The following FOXP2 variants were observed in gnomAD, a reference collection of about 807,000 sequenced individuals.
The protein encoded by FOXP2 is forkhead box protein P2.
Under a neutral mutation model 115.8 loss-of-function variants are expected in FOXP2, and 12 were observed. That is an observed-to-expected ratio of 0.10 (90% confidence interval 0.07 to 0.17). The LOEUF is 0.17. Among genes scored for constraint, FOXP2 ranks in the 10% least tolerant of loss-of-function variants. The pLI is 1.00. For synonymous variants in FOXP2, 328 were observed against 297.7 expected (o/e 1.10, Z -1.05); for missense variants, 629 against 843.5 (o/e 0.75, Z 3.15).
upstream of FOXP2, among the ~76,000 whole-genome samples, chr7:114,158,823 G>A (rs948862411): frequency 6.6e-5 from 10 of 152,144 alleles, no homozygotes; most frequent in Middle Eastern, 3.4e-3. Context: ...GGAGTTTTCC[G>A]CAGATGTTCA....
intron 2 of FOXP2, among the ~76,000 whole-genome samples, chr7:114,457,058 T>C (rs748011822): frequency 7.2e-5 from 11 of 152,118 alleles, no homozygotes; most frequent in Non-Finnish European, 1.5e-4. Flanking sequence ...GTTGCAGATA[T>C]ATAGGATGAA....
At chr7:114,528,867 A>T (rs1799004327) in intron 2 of FOXP2, among the ~76,000 whole-genome samples, 1 of 152,000 alleles carries the variant, frequency 6.6e-6, no homozygotes, top group Non-Finnish European at 1.5e-5. Flanking sequence ...CAGAAAGATA[A>T]ATAATCAAAA....
chr7:114,306,550 AG>A (rs1255077410), intron 2 of FOXP2, among the ~76,000 whole-genome samples: 1 of 152,190 alleles, frequency 6.6e-6, no homozygotes, highest in Non-Finnish European at 1.5e-5. Context: ...CAAAAGGTAT[AG>A]GAGGGCCAGA....
chr7:114,240,403 T>A (rs1331169936), intron 1 of FOXP2, among the ~76,000 whole-genome samples: 2 of 152,114 alleles, frequency 1.3e-5, no homozygotes, highest in Non-Finnish European at 2.9e-5. Context: ...TTTAGATCAA[T>A]ATAGAACAAT....
intron 6 of FOXP2, among the ~76,000 whole-genome samples, chr7:114,636,321 A>G (rs2129330343): frequency 6.6e-6 from 1 of 152,208 alleles, no homozygotes; most frequent in Non-Finnish European, 1.5e-5. Context: ...TTTAAGTTTC[A>G]CATCTTAAAA....
chr7:114,269,137 G>GTGCCC (rs750655530), intron 1 of FOXP2, among the ~76,000 whole-genome samples: 6 of 152,142 alleles, frequency 3.9e-5, no homozygotes, highest in Non-Finnish European at 8.8e-5. Flanking sequence ...ACAGAGAGGT[G>GTGCCC]TTGGACAAAC....
chr7:114,457,425 A>G (rs1044181547), intron 2 of FOXP2, among the ~76,000 whole-genome samples: 1 of 152,016 alleles, frequency 6.6e-6, no homozygotes, highest in Non-Finnish European at 1.5e-5. Context: ...CCTTTTATGA[A>G]TATCATGTTT....
chr7:114,515,663 T>G (rs1401747094), intron 2 of FOXP2, among the ~76,000 whole-genome samples: 1 of 152,004 alleles, frequency 6.6e-6, no homozygotes, highest in Non-Finnish European at 1.5e-5. Flanking sequence ...TCCCATTTTG[T>G]GGGTTGCCTG....
intron 3 of FOXP2, among the ~76,000 whole-genome samples, chr7:114,623,648 A>G (rs1584961944): frequency 6.6e-6 from 1 of 151,938 alleles, no homozygotes; most frequent in Admixed American, 6.6e-5. Context: ...AGAAAAGAAT[A>G]TAATCTCTTG....
intron 6 of FOXP2, among the ~76,000 whole-genome samples, chr7:114,634,837 A>G (rs1277746105): frequency 6.6e-6 from 1 of 152,136 alleles, no homozygotes; most frequent in Non-Finnish European, 1.5e-5. Flanking sequence ...AAACATTGAT[A>G]TGTTTGTGAC....
At chr7:114,520,432 T>C (rs2129268833) in intron 2 of FOXP2, among the ~76,000 whole-genome samples, 1 of 152,224 alleles carries the variant, frequency 6.6e-6, no homozygotes, top group Middle Eastern at 3.4e-3. Context: ...AGCAACACTA[T>C]CAGGTAATTT....
upstream of FOXP2, chr7:114,086,596 G>C (rs1353721299): frequency 7.4e-6 from 3 of 407,242 alleles, no homozygotes; most frequent in Admixed American, 2.8e-5. Context: ...CGCTGCCCAC[G>C]GCGTCCCCGG....
chr7:114,661,838 C>G, intron 13 of FOXP2: 1 of 491,030 alleles, frequency 2.0e-6, no homozygotes, highest in South Asian at 2.1e-5. Flanking sequence ...TTTGACACAG[C>G]TATTATTAAA....
In FOXP2 at chr7:114,691,964, A is replaced by C. The variant is rs952000159; in HGVS notation, c.*2038A>C. The C allele has an allele frequency of 4.7e-6, 2 of 423,114 alleles. No individual in the cohort carries two copies. Among genetic ancestry groups the C allele is most frequent in the African/African-American group, 4.2e-5 (2 of 47,574 alleles). The allele number at this position is 423,114 out of a possible 1,614,324, so 26.2% of individuals were successfully genotyped here. On this transcript the variant is annotated 3_prime_UTR_variant, in exon 17 of 17. Transcript: ENST00000350908. Reference sequence around the variant, plus strand: ...AAAAGAAAAAAAAAAAAAGAAAAACATTAGAACAATTATGGCAGATTGCAT... The same window carrying C: ...AAAAGAAAAAAAAAAAAAGAAAAACCTTAGAACAATTATGGCAGATTGCAT...
At position 114,145,431 on chromosome 7, in the gene FOXP2, T is replaced by TTTTTCTTTTC. The variant is rs61612673; in HGVS notation, c.-246-17454_-246-17445dup. Among the ~76,000 whole-genome samples, 813 of 100,418 alleles carry TTTTTCTTTTC rather than the reference T, an allele frequency of 8.1e-3. 14 individuals carry two copies. Among genetic ancestry groups the TTTTTCTTTTC allele is most frequent in the African/African-American group, 0.017 (467 of 28,124 alleles). The allele number at this position is 100,418 out of a possible 152,430, so 65.9% of individuals were successfully genotyped here. A position where few individuals can be genotyped will look rare whatever the true frequency, so the allele number is the denominator to read the frequency against. ...TATTTTAAAATAGTAGCTTTGCCAT[T>TTTTTCTTTTC]TTTTCTTTTCTTTTCTTTTCTTTTC... On this transcript the variant is annotated intron_variant, in intron 1 of 19. Transcript: ENST00000635638.
intron 2 of FOXP2, among the ~76,000 whole-genome samples, chr7:114,457,611 T>A (rs1035690303): frequency 2.0e-5 from 3 of 152,122 alleles, no homozygotes. Context: ...AAAAATATAT[T>A]CTCATGGCTG....
intron 6 of FOXP2, among the ~76,000 whole-genome samples, chr7:114,635,835 G>A (rs1431863014): frequency 1.3e-5 from 2 of 152,030 alleles, no homozygotes. Flanking sequence ...ATGAGAAAAA[G>A]GAAACATCAT....
At chr7:114,257,451 CTTTTTT>C (rs35852445) in intron 1 of FOXP2, among the ~76,000 whole-genome samples, 1 of 92,192 alleles carries the variant, frequency 1.1e-5, no homozygotes. Flanking sequence ...TCTTTTCTTT[CTTTTTT>C]TTTTTTTTTT....
chr7:114,630,999 T>A (rs117809113), intron 5 of FOXP2: 3,779 of 155,092 alleles, frequency 0.024, 60 homozygotes, highest in South Asian at 0.064. Flanking sequence ...CACTTTTTTT[T>A]AATTTTGCCT....
Sources: allele counts gnomAD v4.1 joint callset (sites outside exome capture counted in the v4.1 genomes callset), GRCh38; gene constraint gnomAD v4.1.1; transcripts MANE v1.5; gene names NCBI Gene and HGNC (gene_info 2026-07-23, HGNC 2026-07-21).